Variants in RUNX2 observed in about 807,000 individuals in gnomAD.
RUNX2 encodes the protein runt-related transcription factor 2.
In RUNX2, 10 loss-of-function variants were observed where a neutral mutation model predicts 51.7. That is an observed-to-expected ratio of 0.19 (90% confidence interval 0.12 to 0.33). The LOEUF is 0.33. RUNX2 is among the 10% of genes least tolerant of loss of function. The pLI is 1.00. For synonymous variants in RUNX2, 276 were observed against 273.6 expected, an observed-to-expected ratio of 1.01 and a Z score of -0.09; for missense variants, 562 against 691.3, an observed-to-expected ratio of 0.81 and a Z score of 2.10.
chr6:45,403,269 T>A (rs1026215395), intron 2 of RUNX2, among the ~76,000 whole-genome samples: 1 of 150,226 alleles, frequency 6.7e-6, no homozygotes, highest in African/African-American at 2.4e-5. Context: ...GTTTTGCTCT[T>A]GTTGCCCAGG....
rs144760627 is a variant in RUNX2, at chr6:45,547,035, C to A, written c.1296C>A (p.Ser432Arg). The A allele has an allele frequency of 6.2e-7, 1 of 1,614,012 alleles. No homozygotes were observed. Among genetic ancestry groups the A allele is most frequent in the African/African-American group, 1.3e-5 (1 of 74,902 alleles). Residue 432 changes from serine (S) to arginine (R), a missense_variant, in exon 9 of 9, where the codon AGC becomes AGA. This residue lies in a region of RUNX2 where 304 missense variants were observed against 353.2 expected (regional missense o/e 0.86). Coordinates refer to ENST00000647337, the MANE Select transcript of RUNX2 (RefSeq NM_001024630.4). Reference protein sequence around the residue: ...LPPPYPGSSQSQSGPFQTSST... With the variant: ...LPPPYPGSSQRQSGPFQTSST... ...CACCCTACCCCGGCTCTTCCCAAAG[C>A]CAGAGTGGACCCTTCCAGACCAGCA...
At chr6:45,487,301 G>C (rs1301804669) in intron 5 of RUNX2, among the ~76,000 whole-genome samples, 1 of 152,090 alleles carries the variant, frequency 6.6e-6, no homozygotes, top group African/African-American at 2.4e-5. Context: ...ACTGAGTCTG[G>C]TCCTGCCACT....
intron 7 of RUNX2, among the ~76,000 whole-genome samples, chr6:45,543,872 T>C (rs1216982534): frequency 6.6e-6 from 1 of 151,776 alleles, no homozygotes; most frequent in Non-Finnish European, 1.5e-5. Flanking sequence ...TATTTAAAAA[T>C]TTGAAGATTA....
In RUNX2 at chr6:45,351,127, C is replaced by A. The variant is rs147132843; in HGVS notation, c.58+22343C>A. On this transcript the variant is annotated intron_variant, in intron 2 of 8. Coordinates refer to ENST00000647337, the MANE Select transcript of RUNX2 (RefSeq NM_001024630.4). ...AGGTCTGTGGAAAAAATGCCTTCCACGAAACTGGTCCCTGCTGCCAAAATG... is the reference window on the plus strand; with the variant it reads ...AGGTCTGTGGAAAAAATGCCTTCCAAGAAACTGGTCCCTGCTGCCAAAATG... Among the ~76,000 whole-genome samples, 268 of 152,262 alleles carry A rather than the reference C, an allele frequency of 1.8e-3. 3 individuals carry two copies. Among genetic ancestry groups the A allele is most frequent in the African/African-American group, 6.3e-3 (262 of 41,552 alleles).
At chr6:45,470,756 C>T (rs1269004775) in intron 5 of RUNX2, among the ~76,000 whole-genome samples, 1 of 152,200 alleles carries the variant, frequency 6.6e-6, no homozygotes, top group Non-Finnish European at 1.5e-5. Flanking sequence ...AAATGTCTCA[C>T]TAACAGGCCT....
intron 7 of RUNX2, among the ~76,000 whole-genome samples, chr6:45,527,674 C>T (rs1801712668): frequency 6.6e-6 from 1 of 152,160 alleles, no homozygotes; most frequent in Non-Finnish European, 1.5e-5. Flanking sequence ...TAAACAAATA[C>T]AGAACTATTA....
intron 3 of RUNX2, among the ~76,000 whole-genome samples, chr6:45,426,051 G>A (rs1375011882): frequency 1.3e-5 from 2 of 152,070 alleles, no homozygotes; most frequent in African/African-American, 4.8e-5. Flanking sequence ...GTTTAAACTC[G>A]TGTTTAAACA....
At chr6:45,533,577 C>T (rs913115194) in intron 7 of RUNX2, among the ~76,000 whole-genome samples, 14 of 152,094 alleles carry the variant, frequency 9.2e-5, no homozygotes, top group Non-Finnish European at 1.5e-4. Flanking sequence ...AGTGGAAAAA[C>T]GCTGAGACTG....
intron 2 of RUNX2, among the ~76,000 whole-genome samples, chr6:45,346,215 G>A (rs10456552): frequency 0.41 from 62,879 of 151,764 alleles, 13,855 homozygotes; most frequent in Non-Finnish European, 0.5. Context: ...CTCTACTTAT[G>A]TATATATGTA....
chr6:45,428,838 C>CTTT (rs66878438), intron 3 of RUNX2, among the ~76,000 whole-genome samples: 9 of 131,052 alleles, frequency 6.9e-5, no homozygotes, highest in South Asian at 2.4e-4. Flanking sequence ...GGGCAGATTG[C>CTTT]TTTTTTTTTT....
intron 2 of RUNX2, among the ~76,000 whole-genome samples, chr6:45,379,288 CAG>C (rs1217075177): frequency 5.3e-5 from 8 of 152,164 alleles, no homozygotes; most frequent in East Asian, 3.8e-4. Flanking sequence ...GGGAAAGTAA[CAG>C]AGTGAGTATG....
At chr6:45,407,304 TCTCCCAAA>T (rs2150355060) in intron 2 of RUNX2, among the ~76,000 whole-genome samples, 1 of 151,588 alleles carries the variant, frequency 6.6e-6, no homozygotes, top group East Asian at 2.0e-4. Context: ...CCTGCCTCGG[TCTCCCAAA>T]CTGCTGGGAT....
rs888245869 is a variant in RUNX2, at chr6:45,533,706, A to C, written c.1022-11511A>C. Among the ~76,000 whole-genome samples the C allele has an allele frequency of 3.3e-5, 5 of 152,180 alleles. No individual in the cohort carries two copies. The South Asian group carries it at 1.0e-3, about 31-fold the overall frequency. ...TTTAGGCTAAATCCTAACAACAAAG[A>C]GAAAGAAATTCTTTGCAAAGTCAGT... On this transcript the variant is annotated intron_variant, in intron 7 of 8. Coordinates refer to ENST00000647337, the MANE Select transcript of RUNX2 (RefSeq NM_001024630.4).
chr6:45,489,744 G>A (rs1247857811), intron 5 of RUNX2, among the ~76,000 whole-genome samples: 1 of 152,200 alleles, frequency 6.6e-6, no homozygotes, highest in Non-Finnish European at 1.5e-5. Flanking sequence ...CCATGGATCT[G>A]TGACAAGTAC....
At chr6:45,474,266 T>A (rs1799888841) in intron 5 of RUNX2, among the ~76,000 whole-genome samples, 1 of 151,680 alleles carries the variant, frequency 6.6e-6, no homozygotes, top group Non-Finnish European at 1.5e-5. Flanking sequence ...GAGTAAAAGG[T>A]AAAGTGAATA....
chr6:45,479,350 CCTATTGCAAAGAAAGGTACGTTT>C (rs1337376733), intron 5 of RUNX2, among the ~76,000 whole-genome samples: 4 of 152,148 alleles, frequency 2.6e-5, no homozygotes, highest in Admixed American at 1.3e-4. Context: ...ATGAGAACTT[CCTATTGCAAAGAAAGGTACGTTT>C]CTATTGCAAA....
intron 2 of RUNX2, among the ~76,000 whole-genome samples, chr6:45,417,566 A>G (rs1050287607): frequency 7.2e-5 from 11 of 152,216 alleles, no homozygotes; most frequent in African/African-American, 2.7e-4. Flanking sequence ...TCTTTATAAA[A>G]TATCTACTCT....
At chr6:45,381,195 T>C (rs1797234145) in intron 2 of RUNX2, among the ~76,000 whole-genome samples, 1 of 152,210 alleles carries the variant, frequency 6.6e-6, no homozygotes, top group South Asian at 2.1e-4. Flanking sequence ...AGCAAGTTGT[T>C]CTGACCAAAA....
At chr6:45,505,825 T>C (rs552246283) in intron 6 of RUNX2, among the ~76,000 whole-genome samples, 71 of 152,332 alleles carry the variant, frequency 4.7e-4, no homozygotes, top group Non-Finnish European at 9.7e-4. Context: ...GGAGAACTTA[T>C]AAAATCGATT....
Sources: allele counts gnomAD v4.1 joint callset (sites outside exome capture counted in the v4.1 genomes callset), GRCh38; gene constraint gnomAD v4.1.1; regional missense constraint gnomAD v4.1.1; transcripts MANE v1.5; gene names NCBI Gene and HGNC (gene_info 2026-07-23, HGNC 2026-07-21).